HIPK2: variants seen among roughly 807,000 people sequenced by gnomAD.
The protein encoded by HIPK2 is homeodomain interacting protein kinase 2, also known as homeodomain-interacting protein kinase 2.
Under a neutral mutation model 113.7 loss-of-function variants are expected in HIPK2, and 27 were observed. The ratio of observed to expected loss-of-function variants is 0.24; its 90% confidence interval spans 0.17 to 0.33. The LOEUF is 0.33. HIPK2 is among the 10% of genes least tolerant of loss of function. The pLI, the probability that HIPK2 is intolerant of heterozygous loss-of-function variation, is 1.00. For missense variants in HIPK2, 1,257 were observed against 1,588.0 expected (o/e 0.79, Z 3.54); for synonymous variants, 631 against 642.2 (o/e 0.98, Z 0.26).
chr7:139,572,899 C>CCCA lies in HIPK2; in HGVS notation c.*27_*28insTGG. On this transcript the variant is annotated 3_prime_UTR_variant, in exon 15 of 15. Coordinates refer to ENST00000406875, the MANE Select transcript of HIPK2 (RefSeq NM_022740.5). ...TCCTCCCTCGGGCCATTCTCTCCCT[C>CCCA]CCTCCCTCCCTCCCTCCCCTCCAGT... 1 of 406,498 alleles carries CCCA rather than the reference C, an allele frequency of 2.5e-6. No individual in the cohort carries two copies. Among genetic ancestry groups the CCCA allele is most frequent in the Non-Finnish European group, 4.9e-6 (1 of 204,326 alleles). The allele number at this position is 406,498 out of a possible 1,614,324, so 25.2% of individuals were successfully genotyped here. A position where few individuals can be genotyped will look rare whatever the true frequency, so the allele number is the denominator to read the frequency against.
In HIPK2 at chr7:139,600,425, T is replaced by C. The variant is rs1585258801; in HGVS notation, c.2427A>G (p.Ser809=). Residue 809 remains serine (S), a synonymous_variant, in exon 11 of 15, where the codon TCA becomes TCG. Transcript: ENST00000406875. ...TSSRKSKQHQ[S]SVRNVSTCEV... is the part of the protein sequence containing the mutation. ...TGGCTCTCACCACCTACCTCACAGA[T>C]GACTGGTGCTGCTTACTCTTCCGGG... 1 of 1,613,182 alleles carries C rather than the reference T, an allele frequency of 6.2e-7. No individual in the cohort carries two copies. The highest frequency in any genetic ancestry group is 1.3e-5 in the African/African-American group (1 of 75,038).
At chr7:139,694,483 G>A (rs1218863020) in intron 2 of HIPK2, among the ~76,000 whole-genome samples, 1 of 152,192 alleles carries the variant, frequency 6.6e-6, no homozygotes, top group East Asian at 1.9e-4. Context: ...GTCATGCTGA[G>A]GGGTCATTCC....
At position 139,716,674 on chromosome 7, in the gene HIPK2, T is replaced by C; in HGVS notation, c.361A>G (p.Ser121Gly). 6.2e-7 allele frequency: 1 copy of C among 1,613,910 alleles called. No individual in the cohort carries two copies. Among genetic ancestry groups the C allele is most frequent in the Non-Finnish European group, 8.5e-7 (1 of 1,179,860 alleles). ...PHNLMRRSTV[S>G]LLDTYQKCGL... ...CATTTTTGGTAGGTATCAAGGAGGC[T>C]CACAGTGCTTCGACGCATTAGGTTG... The change falls in exon 2 of 15, where the codon AGC becomes GGC. Residue 121 changes from serine (S) to glycine (G), a missense_variant. Ser to Gly is a moderately conservative substitution (Grantham distance 56). Coordinates refer to ENST00000406875, the MANE Select transcript of HIPK2 (RefSeq NM_022740.5). This position sits in a 1 kb window ranked among gnomAD's most constrained non-coding sequence, Gnocchi z 9.3.
At chr7:139,733,570 T>G (rs1257239160) in intron 1 of HIPK2, among the ~76,000 whole-genome samples, 1 of 152,174 alleles carries the variant, frequency 6.6e-6, no homozygotes, top group East Asian at 1.9e-4. Context: ...TTTTTATAAT[T>G]AAAAATAATC....
At chr7:139,607,813 T>C (rs976120794) in intron 9 of HIPK2, among the ~76,000 whole-genome samples, 6 of 152,028 alleles carry the variant, frequency 3.9e-5, no homozygotes, top group African/African-American at 1.5e-4. Flanking sequence ...GTTAGAAAGC[T>C]AAATCTTCAT....
chr7:139,734,510 G>A (rs1209700374), intron 1 of HIPK2, among the ~76,000 whole-genome samples: 1 of 152,186 alleles, frequency 6.6e-6, no homozygotes, highest in Non-Finnish European at 1.5e-5. Context: ...TGTTTTCTCT[G>A]GGAAAAATGG....
chr7:139,746,971 T>C (rs1218366116), intron 1 of HIPK2, among the ~76,000 whole-genome samples: 3 of 152,200 alleles, frequency 2.0e-5, no homozygotes, highest in Non-Finnish European at 4.4e-5. Context: ...GATAACTAAG[T>C]AGAGCTAGAA....
intron 1 of HIPK2, among the ~76,000 whole-genome samples, chr7:139,733,839 G>A (rs1201713115): frequency 1.3e-5 from 2 of 152,136 alleles, no homozygotes; most frequent in East Asian, 1.9e-4. Context: ...AAGCCTTTCC[G>A]GCCAGTGTGT....
chr7:139,621,571 C>A (rs1181249606), intron 6 of HIPK2, among the ~76,000 whole-genome samples: 1 of 152,158 alleles, frequency 6.6e-6, no homozygotes, highest in Non-Finnish European at 1.5e-5. Flanking sequence ...ATTTATACAG[C>A]GCTTCTCATT....
chr7:139,653,179 G>A (rs1312167075), intron 2 of HIPK2, among the ~76,000 whole-genome samples: 1 of 149,872 alleles, frequency 6.7e-6, no homozygotes, highest in African/African-American at 2.5e-5. Flanking sequence ...AGGAGAACAA[G>A]GAAGTGACAC....
rs758650541 is a variant in HIPK2 at position 139,620,573 on chromosome 7, C to T, written c.1620-10G>A. 1.1e-5 allele frequency: 18 copies of T among 1,613,476 alleles called. No individual in the cohort carries two copies. Among genetic ancestry groups the T allele is most frequent in the Non-Finnish European group, 1.5e-5 (18 of 1,179,704 alleles). ...GAAACATGATTTGACGCTGTTCATG[C>T]AAAAGGCAGAGGCATATTGAGACAT... On this transcript the variant is annotated splice_polypyrimidine_tract_variant and intron_variant, in intron 6 of 14. Coordinates refer to ENST00000406875, the MANE Select transcript of HIPK2 (RefSeq NM_022740.5).
intron 2 of HIPK2, among the ~76,000 whole-genome samples, chr7:139,645,035 G>A (rs530192220): frequency 1.4e-4 from 21 of 152,346 alleles, no homozygotes; most frequent in African/African-American, 5.1e-4. Flanking sequence ...ACTGGTTCAT[G>A]GTGAGGCCTC....
intron 2 of HIPK2, among the ~76,000 whole-genome samples, chr7:139,663,735 T>C (rs556652030): frequency 4.6e-5 from 7 of 152,292 alleles, no homozygotes; most frequent in South Asian, 2.1e-4. Flanking sequence ...TCAATTAGAC[T>C]CTGGGGTAAA....
chr7:139,763,620 T>C (rs760665389), intron 1 of HIPK2, among the ~76,000 whole-genome samples: 1 of 152,128 alleles, frequency 6.6e-6, no homozygotes. Flanking sequence ...CAGAAAAAGT[T>C]TGCCAACCCC....
chr7:139,681,372 G>T (rs1045074753), intron 2 of HIPK2, among the ~76,000 whole-genome samples: 3 of 152,228 alleles, frequency 2.0e-5, no homozygotes, highest in Middle Eastern at 3.4e-3. Flanking sequence ...CCTTCTAAAT[G>T]GTCTTTATTA....
At chr7:139,639,154 T>C (rs975239943) in intron 2 of HIPK2, among the ~76,000 whole-genome samples, 5 of 152,194 alleles carry the variant, frequency 3.3e-5, no homozygotes, top group African/African-American at 1.2e-4. Context: ...CAGGAATCTT[T>C]GGGGACTTCA....
At position 139,643,905 on chromosome 7, in the gene HIPK2, T is replaced by C. The variant is rs528194282; in HGVS notation, c.1104-12180A>G. On this transcript the variant is annotated intron_variant, in intron 2 of 14. Coordinates refer to ENST00000406875, the MANE Select transcript of HIPK2 (RefSeq NM_022740.5). ...CCCATCCCTGGCCTGGGTGGCCCAA[T>C]ATCCCCCAATCTGGTCTCTGGTGCT... is the stretch of plus-strand genomic sequence containing the variant. Among the ~76,000 whole-genome samples, 17 of 152,252 alleles carry C rather than the reference T, an allele frequency of 1.1e-4. No homozygotes were observed. In the South Asian group the frequency reaches 2.9e-3, roughly 26 times the overall value.
chr7:139,698,911 A>G (rs1197078827), intron 2 of HIPK2, among the ~76,000 whole-genome samples: 1 of 152,206 alleles, frequency 6.6e-6, no homozygotes, highest in Non-Finnish European at 1.5e-5. Flanking sequence ...ATTATACCAC[A>G]GATTTTACAT....
At chr7:139,600,692 G>T (rs977685440) in intron 10 of HIPK2, 96 bp from the exon 11 acceptor site, 10 of 1,379,836 alleles carry the variant, frequency 7.2e-6, no homozygotes, top group Non-Finnish European at 1.0e-6. Context: ...AACGCTGACT[G>T]CAGTTGGTTA....
Sources: allele counts gnomAD v4.1 joint callset (sites outside exome capture counted in the v4.1 genomes callset), GRCh38; gene constraint gnomAD v4.1.1; non-coding constraint Gnocchi (gnomAD v3.1); transcripts MANE v1.5; gene names NCBI Gene and HGNC (gene_info 2026-07-23, HGNC 2026-07-21).